The following TMEM178B variants were observed in gnomAD, a reference collection of about 807,000 sequenced individuals.
The protein encoded by TMEM178B is transmembrane protein 178B.
A neutral mutation model predicts 31.0 loss-of-function variants in TMEM178B; 5 were observed. The observed-to-expected ratio is 0.16, with a 90% CI of 0.08 to 0.34. TMEM178B has a LOEUF of 0.34. TMEM178B is among the 10% of genes least tolerant of loss of function. The pLI, the probability that TMEM178B is intolerant of heterozygous loss-of-function variation, is 1.00. For missense variants in TMEM178B, 275 were observed against 400.3 expected (o/e 0.69, Z 2.67); for synonymous variants, 164 against 164.0 (o/e 1.00, Z 0.00).
chr7:141,377,197 A>ATTTATTTG (rs1347957516), intron 2 of TMEM178B, among the ~76,000 whole-genome samples: 1 of 148,916 alleles, frequency 6.7e-6, no homozygotes, highest in Non-Finnish European at 1.5e-5. Context: ...TTATTTATTT[A>ATTTATTTG]TTTGAGATGG....
rs1308663102 is a variant in TMEM178B, at chr7:141,477,278, T to A, written c.*6492T>A. 2 of 154,766 alleles carry A rather than the reference T, an allele frequency of 1.3e-5. No individual in the cohort carries two copies. The highest frequency in any genetic ancestry group is 2.9e-5 in the Non-Finnish European group (2 of 68,216). 9.6% of individuals were successfully genotyped at this position (154,766 alleles called of 1,614,324 possible). A position where few individuals can be genotyped will look rare whatever the true frequency, so the allele number is the denominator to read the frequency against. ...ATCTGTAAAAATGTACAAATAAAAG[T>A]GAAAACTGAAAATAAAGGGGAGGGA... On this transcript the variant is annotated 3_prime_UTR_variant, in exon 4 of 4. Coordinates refer to ENST00000565468, the MANE Select transcript of TMEM178B (RefSeq NM_001195278.2).
At chr7:141,373,508 G>A (rs565898324) in intron 2 of TMEM178B, among the ~76,000 whole-genome samples, 1 of 152,344 alleles carries the variant, frequency 6.6e-6, no homozygotes, top group African/African-American at 2.4e-5. Flanking sequence ...AAGGAAGCAG[G>A]ACTGCTCAGA....
At chr7:141,438,694 A>C (rs1399331030) in intron 3 of TMEM178B, among the ~76,000 whole-genome samples, 6 of 96,908 alleles carry the variant, frequency 6.2e-5, no homozygotes, top group African/African-American at 2.9e-4. Context: ...CCCCGTCTCT[A>C]CTAAAAAAAA....
chr7:141,100,222 T>TA (rs1301940782), intron 1 of TMEM178B, among the ~76,000 whole-genome samples: 1 of 151,672 alleles, frequency 6.6e-6, no homozygotes, highest in African/African-American at 2.4e-5. Context: ...TTTTTTTTTT[T>TA]AAATAAGTAA....
At chr7:141,270,303 G>T (rs576316347) in intron 2 of TMEM178B, among the ~76,000 whole-genome samples, 1 of 152,076 alleles carries the variant, frequency 6.6e-6, no homozygotes, top group Non-Finnish European at 1.5e-5. Flanking sequence ...GGTCAGGCCC[G>T]GAAGCTCAGG....
chr7:141,347,662 C>T lies in TMEM178B; in HGVS notation c.497-89946C>T, dbSNP rs78633437. Among the ~76,000 whole-genome samples the T allele has an allele frequency of 3.6e-4, 55 of 152,222 alleles. No homozygotes were observed. In the East Asian group the frequency reaches 0.01, roughly 28 times the overall value. ...GGCCCTCTTCTGGATCCTAGTCTGT[C>T]CACACAAGCACAAAGTGTGTGGTCT... On this transcript the variant is annotated intron_variant, in intron 2 of 3. Coordinates refer to ENST00000565468, the MANE Select transcript of TMEM178B (RefSeq NM_001195278.2).
At chr7:141,370,517 C>A (rs976732029) in intron 2 of TMEM178B, among the ~76,000 whole-genome samples, 1 of 152,136 alleles carries the variant, frequency 6.6e-6, no homozygotes, top group Non-Finnish European at 1.5e-5. Context: ...ATAAAGTGTT[C>A]TTGTACGGAT....
At chr7:141,120,621 G>C (rs1384969658) in intron 1 of TMEM178B, among the ~76,000 whole-genome samples, 9 of 151,950 alleles carry the variant, frequency 5.9e-5, no homozygotes, top group African/African-American at 2.2e-4. Flanking sequence ...CAATGACTTT[G>C]GATGTTTTTA....
At chr7:141,499,830 T>G in the TMEM178B span, among the ~76,000 whole-genome samples, 1 of 152,152 alleles carries the variant, frequency 6.6e-6, no homozygotes, top group African/African-American at 2.4e-5. Flanking sequence ...ATCACACACA[T>G]GAAGAATGGG....
chr7:141,106,310 T>G (rs1247570059), intron 1 of TMEM178B, among the ~76,000 whole-genome samples: 7 of 152,218 alleles, frequency 4.6e-5, no homozygotes, highest in African/African-American at 1.7e-4. Flanking sequence ...AGCTTGTGCA[T>G]TTTAAGATTA....
intron 1 of TMEM178B, among the ~76,000 whole-genome samples, chr7:141,097,365 CAAAAAAAAAAA>C: frequency 1.2e-5 from 1 of 85,314 alleles, no homozygotes; most frequent in East Asian, 3.6e-4. Flanking sequence ...GACTCCGTCT[CAAAAAAAAAAA>C]AAAAAAAAAA....
intron 2 of TMEM178B, among the ~76,000 whole-genome samples, chr7:141,364,723 C>T (rs1799974744): frequency 6.9e-6 from 1 of 145,280 alleles, no homozygotes; most frequent in Non-Finnish European, 1.5e-5. Context: ...GACCACACTA[C>T]AGGCCAGGTA....
At chr7:141,377,155 T>C (rs114907511) in intron 2 of TMEM178B, among the ~76,000 whole-genome samples, 2,553 of 146,730 alleles carry the variant, frequency 0.017, 57 homozygotes, top group African/African-American at 0.061. Flanking sequence ...TGGGGGCTAC[T>C]TCTGTATTTA....
chr7:141,394,639 C>T (rs1473424059), intron 2 of TMEM178B, among the ~76,000 whole-genome samples: 1 of 152,172 alleles, frequency 6.6e-6, no homozygotes. Context: ...GTATCTCCGA[C>T]CCAGGGATAC....
intron 2 of TMEM178B, among the ~76,000 whole-genome samples, chr7:141,277,530 T>C (rs1258426297): frequency 6.6e-6 from 1 of 152,184 alleles, no homozygotes; most frequent in Non-Finnish European, 1.5e-5. Context: ...GAGGCTCTTT[T>C]ACAGTTAACT....
At chr7:141,452,326 A>G (rs1801880847) in intron 3 of TMEM178B, among the ~76,000 whole-genome samples, 1 of 152,190 alleles carries the variant, frequency 6.6e-6, no homozygotes, top group Non-Finnish European at 1.5e-5. Flanking sequence ...ATGTTTATTG[A>G]GTACATGCTA....
At chr7:141,120,319 T>C (rs1795389240) in intron 1 of TMEM178B, among the ~76,000 whole-genome samples, 1 of 152,246 alleles carries the variant, frequency 6.6e-6, no homozygotes, top group South Asian at 2.1e-4. Context: ...ATAGCATTCA[T>C]ATCCATGTTA....
intron 1 of TMEM178B, among the ~76,000 whole-genome samples, chr7:141,190,233 A>G (rs911361880): frequency 2.0e-5 from 3 of 152,294 alleles, no homozygotes; most frequent in Admixed American, 6.5e-5. Flanking sequence ...TGCTCAGAAT[A>G]CTTACATTAG....
At chr7:141,432,827 C>T (rs55993216) in intron 2 of TMEM178B, among the ~76,000 whole-genome samples, 43,840 of 152,042 alleles carry the variant, frequency 0.29, 6,580 homozygotes, top group South Asian at 0.43. Flanking sequence ...AAAATGCCTG[C>T]GGGCACTGAG....
Sources: allele counts gnomAD v4.1 joint callset (sites outside exome capture counted in the v4.1 genomes callset), GRCh38; gene constraint gnomAD v4.1.1; transcripts MANE v1.5; gene names NCBI Gene and HGNC (gene_info 2026-07-23, HGNC 2026-07-21).